Variants in CREB5 observed in about 807,000 individuals in gnomAD.
CREB5 encodes the protein cyclic AMP-responsive element-binding protein 5.
A neutral mutation model predicts 57.1 loss-of-function variants in CREB5; 19 were observed. The ratio of observed to expected loss-of-function variants is 0.33; its 90% CI spans 0.23 to 0.49. The LOEUF (loss-of-function observed/expected upper bound fraction) is 0.49. Among genes scored for constraint, CREB5 ranks in the 20% least tolerant of loss-of-function variants. The probability of loss-of-function intolerance (pLI) is 0.99; values close to 1 mark genes in which losing one functional copy is unlikely to be tolerated. For synonymous variants in CREB5, 238 were observed against 238.3 expected (o/e 1.00, Z 0.01); for missense variants, 579 against 671.6 (o/e 0.86, Z 1.52).
In CREB5 at chr7:28,477,351, C is replaced by T. The variant is rs565292951; in HGVS notation, c.4-10824C>T. 1.2e-4 allele frequency among the ~76,000 whole-genome samples: 19 copies of T among 152,326 alleles called. No individual in the cohort carries two copies. The South Asian group carries it at 3.9e-3, about 32-fold the overall frequency. Reference sequence around the variant, plus strand: ...GTCCCCACTGGGTGCTGCCTGCACCCTCTTCCCCTTTTTTCTTTCCCTTTC... The same window carrying T: ...GTCCCCACTGGGTGCTGCCTGCACCTTCTTCCCCTTTTTTCTTTCCCTTTC... On this transcript the variant is annotated intron_variant, in intron 1 of 10. Transcript: ENST00000357727.
At chr7:28,808,378 G>A (rs111764491) in intron 8 of CREB5, among the ~76,000 whole-genome samples, 1 of 152,224 alleles carries the variant, frequency 6.6e-6, no homozygotes, top group African/African-American at 2.4e-5. Context: ...CCAGAGGTAT[G>A]TTAGGAACAC....
intron 1 of CREB5, among the ~76,000 whole-genome samples, chr7:28,351,004 G>T (rs952367616): frequency 6.6e-6 from 1 of 152,170 alleles, no homozygotes; most frequent in African/African-American, 2.4e-5. Flanking sequence ...TTTCCTGAAT[G>T]CCATCCATAC....
chr7:28,610,138 G>A (rs1398147890), intron 5 of CREB5, among the ~76,000 whole-genome samples: 2 of 152,126 alleles, frequency 1.3e-5, no homozygotes, highest in African/African-American at 2.4e-5. Flanking sequence ...TCTGGGCCCT[G>A]GGGTACAGCT....
intron 1 of CREB5, among the ~76,000 whole-genome samples, chr7:28,404,847 A>C (rs42706): frequency 0.24 from 36,803 of 152,068 alleles, 4,718 homozygotes; most frequent in Non-Finnish European, 0.28. Context: ...ACTTGTGCTC[A>C]GGACTACCAA....
chr7:28,723,046 A>G (rs767897702), intron 6 of CREB5, among the ~76,000 whole-genome samples: 1 of 152,190 alleles, frequency 6.6e-6, no homozygotes, highest in African/African-American at 2.4e-5. Context: ...CACTCTTTGA[A>G]CACCTCCAAT....
At chr7:28,365,539 C>T (rs1400705453) in intron 1 of CREB5, among the ~76,000 whole-genome samples, 2 of 152,172 alleles carry the variant, frequency 1.3e-5, no homozygotes, top group African/African-American at 2.4e-5. Flanking sequence ...CCCATCTACT[C>T]CTCTGGCTCC....
intron 1 of CREB5, among the ~76,000 whole-genome samples, chr7:28,486,014 AAG>A (rs1344344981): frequency 6.6e-6 from 1 of 152,160 alleles, no homozygotes; most frequent in African/African-American, 2.4e-5. Context: ...GTCTAAATAT[AAG>A]ACAGTAAAGG....
rs1562606537 is a variant in CREB5 at position 28,737,561 on chromosome 7, A to ATGTG, written c.702+13230_702+13231insGTGT. 3.2e-4 allele frequency among the ~76,000 whole-genome samples: 42 copies of ATGTG among 131,764 alleles called. 1 individual carries two copies. Among genetic ancestry groups the ATGTG allele is most frequent in the African/African-American group, 1.1e-3 (39 of 34,986 alleles). The allele number at this position is 131,764 out of a possible 152,430, so 86.4% of individuals were successfully genotyped here. A position where few individuals can be genotyped will look rare whatever the true frequency, so the allele number is the denominator to read the frequency against. ...TACGTATATATATATATATATATATATATATATATATATATATATATATAT... is the reference window on the plus strand; with the variant it reads ...TACGTATATATATATATATATATATATGTGTATATATATATATATATATATATAT... On this transcript the variant is annotated intron_variant, in intron 7 of 10. Transcript: ENST00000357727.
intron 1 of CREB5, among the ~76,000 whole-genome samples, chr7:28,388,115 C>G (rs890468329): frequency 6.6e-5 from 10 of 152,298 alleles, no homozygotes; most frequent in African/African-American, 2.4e-4. Flanking sequence ...AAGAGAGAAT[C>G]TACATCTACT....
chr7:28,411,299 A>G (rs1314725304), upstream of CREB5, among the ~76,000 whole-genome samples: 1 of 152,222 alleles, frequency 6.6e-6, no homozygotes, highest in Admixed American at 6.5e-5. Flanking sequence ...TGACAAAATC[A>G]GGTTTAGCTG....
intron 4 of CREB5, among the ~76,000 whole-genome samples, chr7:28,561,723 C>T (rs1795278028): frequency 6.6e-6 from 1 of 152,190 alleles, no homozygotes. Context: ...ATGTTTTCTG[C>T]TGCAAGAACA....
chr7:28,792,695 G>A (rs1271365412), intron 7 of CREB5, among the ~76,000 whole-genome samples: 3 of 152,200 alleles, frequency 2.0e-5, no homozygotes, highest in Non-Finnish European at 2.9e-5. Flanking sequence ...GCTTCCTTGA[G>A]CACAGCTTTC....
chr7:28,728,244 G>T (rs1484968382), intron 7 of CREB5, among the ~76,000 whole-genome samples: 1 of 152,086 alleles, frequency 6.6e-6, no homozygotes, highest in Non-Finnish European at 1.5e-5. Context: ...CTGGCCTATT[G>T]TCCCCACTTT....
intron 4 of CREB5, among the ~76,000 whole-genome samples, chr7:28,568,636 A>G (rs1326880670): frequency 6.6e-6 from 1 of 152,156 alleles, no homozygotes; most frequent in African/African-American, 2.4e-5. Context: ...CCAGTGTATA[A>G]GAGAAGCCTT....
Position 28,704,278 on chromosome 7 carries a change from C to T in CREB5, c.465-14475C>T, listed in dbSNP as rs550323680. On this transcript the variant is annotated intron_variant, in intron 5 of 10. Transcript: ENST00000357727. ...AAATGACCTCCTCGCCTACCTGTCACGATTCCTGGTTCCTGCTGCCCTCCT... is the reference window on the plus strand; with the variant it reads ...AAATGACCTCCTCGCCTACCTGTCATGATTCCTGGTTCCTGCTGCCCTCCT... Among the ~76,000 whole-genome samples, 17 of 152,316 alleles carry T rather than the reference C, an allele frequency of 1.1e-4. No individual in the cohort carries two copies. In the East Asian group the frequency reaches 3.3e-3, roughly 29 times the overall value.
intron 5 of CREB5, among the ~76,000 whole-genome samples, chr7:28,652,622 T>C (rs1799181514): frequency 6.6e-6 from 1 of 152,250 alleles, no homozygotes; most frequent in Non-Finnish European, 1.5e-5. Context: ...GATTAAATAG[T>C]AACATCCTGC....
intron 5 of CREB5, among the ~76,000 whole-genome samples, chr7:28,577,405 C>T (rs530723956): frequency 5.3e-5 from 8 of 152,136 alleles, no homozygotes; most frequent in Admixed American, 2.0e-4. Flanking sequence ...AGGGAGGGGT[C>T]CTAACATATG....
At chr7:28,704,718 A>G (rs560971723) in intron 5 of CREB5, among the ~76,000 whole-genome samples, 67 of 152,198 alleles carry the variant, frequency 4.4e-4, no homozygotes, top group African/African-American at 1.6e-3. Context: ...CAGCCTCCCA[A>G]AACACTGGGA....
intron 1 of CREB5, among the ~76,000 whole-genome samples, chr7:28,304,499 C>T (rs147404057): frequency 6.6e-6 from 1 of 152,140 alleles, no homozygotes; most frequent in African/African-American, 2.4e-5. Context: ...ACTTTCTTAG[C>T]CTGCTGGTGG....
Sources: allele counts gnomAD v4.1 joint callset (sites outside exome capture counted in the v4.1 genomes callset), GRCh38; gene constraint gnomAD v4.1.1; transcripts MANE v1.5; gene names NCBI Gene and HGNC (gene_info 2026-07-23, HGNC 2026-07-21).